COL22A1: variants seen among roughly 807,000 people sequenced by gnomAD.
COL22A1 encodes collagen type XXII alpha 1 chain, also known as collagen alpha-1(XXII) chain.
COL22A1 carries 221 observed loss-of-function variants against 248.9 expected under a neutral mutation model. That is an observed-to-expected ratio of 0.89 (90% CI 0.80 to 0.99). The LOEUF (loss-of-function observed/expected upper bound fraction) is 0.99, where lower values mean the gene tolerates loss of function less well. COL22A1 is among the 50% of genes least tolerant of loss of function. The pLI, the probability that COL22A1 is intolerant of heterozygous loss-of-function variation, is 0.00. For synonymous variants in COL22A1, 891 were observed against 793.4 expected, an observed-to-expected ratio of 1.12 and a Z score of -2.07; for missense variants, 2,240 against 2,179.0, an observed-to-expected ratio of 1.03 and a Z score of -0.56.
At chr8:138,751,573 G>A (rs573777972) in intron 21 of COL22A1, 62 bp from the exon 22 acceptor site, 170 of 1,188,714 alleles carry the variant, frequency 1.4e-4, no homozygotes, top group Non-Finnish European at 2.0e-4. Context: ...GGGCTCAATG[G>A]CATAGCTTAG....
rs375680354 is a variant in COL22A1, at chr8:138,724,605, G to A, written c.2247+10C>T. On this transcript the variant is annotated intron_variant, in intron 25 of 64. Coordinates refer to ENST00000303045, the MANE Select transcript of COL22A1 (RefSeq NM_152888.3). ...AGGAGGGGAGCAGGAAGATGTTTCC[G>A]AACACTCACCGTGGGCCCAGGAGGT... 2.0e-5 allele frequency: 33 copies of A among 1,613,536 alleles called. No individual in the cohort carries two copies. The highest frequency in any genetic ancestry group is 1.2e-4 in the Admixed American group (7 of 59,990).
chr8:138,857,685 G>A (rs1046567671), intron 3 of COL22A1, among the ~76,000 whole-genome samples: 4 of 152,228 alleles, frequency 2.6e-5, no homozygotes, highest in Non-Finnish European at 5.9e-5. Context: ...GGGAACAGCG[G>A]TTCCCTCTGG....
chr8:138,754,272 G>A (rs1156719160), intron 21 of COL22A1, among the ~76,000 whole-genome samples: 2 of 142,218 alleles, frequency 1.4e-5, no homozygotes, highest in African/African-American at 2.6e-5. Context: ...AGTTACAATT[G>A]TGGGCAGCTC....
At chr8:138,884,949 AAGCACAGG>A (rs1201010366) in intron 1 of COL22A1, among the ~76,000 whole-genome samples, 2 of 152,240 alleles carry the variant, frequency 1.3e-5, no homozygotes, top group Non-Finnish European at 2.9e-5. Flanking sequence ...GCCTGATGAC[AAGCACAGG>A]CAAATCAATT....
chr8:138,803,442 C>T (rs563924593), intron 10 of COL22A1, among the ~76,000 whole-genome samples: 213 of 152,178 alleles, frequency 1.4e-3, no homozygotes, highest in African/African-American at 4.6e-3. Flanking sequence ...CGAGATCAGA[C>T]GAGATCGGGC....
chr8:138,589,334 A>T lies in COL22A1; in HGVS notation c.4800T>A (p.Gly1600=), dbSNP rs1297941145. 3.1e-6 allele frequency: 5 copies of T among 1,612,502 alleles called. No homozygotes were observed. The highest frequency in any genetic ancestry group is 3.3e-5 in the Admixed American group (2 of 59,796). ...AGHPGLPGPP[G]PPGQCDPSQC... is the part of the protein sequence containing the mutation. ...GGGAAGGGTCACATTGGCCTGGGGG[A>T]CCGGGAGGTCCTGGGAGGCCAGGAT... Residue 1600 remains glycine (G), a synonymous_variant, in exon 65 of 65, where the codon GGT becomes GGA. Coordinates refer to ENST00000303045, the MANE Select transcript of COL22A1 (RefSeq NM_152888.3).
intron 3 of COL22A1, among the ~76,000 whole-genome samples, chr8:138,848,259 C>A (rs1563840315): frequency 6.6e-6 from 1 of 152,174 alleles, no homozygotes; most frequent in Non-Finnish European, 1.5e-5. Context: ...ATTGTCTACC[C>A]CCTGACAATC....
rs58944884 is a variant in COL22A1, at chr8:138,768,666, G to A, written c.1804-6200C>T. On this transcript the variant is annotated intron_variant, in intron 16 of 64. Coordinates refer to ENST00000303045, the MANE Select transcript of COL22A1 (RefSeq NM_152888.3). ...AAAGAACGCCATTATGGCCAGGTAT[G>A]GTGGCTCATGCCTGTAATCCCAGCA... 5.4e-3 allele frequency among the ~76,000 whole-genome samples: 817 copies of A among 152,244 alleles called. 7 individuals carry two copies. The highest frequency in any genetic ancestry group is 0.032 in the East Asian group (163 of 5,168).
intron 3 of COL22A1, among the ~76,000 whole-genome samples, chr8:138,872,984 A>T (rs1436633322): frequency 1.3e-5 from 2 of 152,206 alleles, no homozygotes; most frequent in Admixed American, 6.5e-5. Flanking sequence ...TTCATTCAAC[A>T]AACAGCCACT....
chr8:138,692,213 T>C (rs1587877619), intron 35 of COL22A1, among the ~76,000 whole-genome samples: 30 of 151,888 alleles, frequency 2.0e-4, no homozygotes, highest in African/African-American at 6.5e-4. Flanking sequence ...TTTGTGGAGG[T>C]GTATGTGTGC....
chr8:138,699,304 C>A (rs1827768379), intron 32 of COL22A1, among the ~76,000 whole-genome samples: 1 of 152,198 alleles, frequency 6.6e-6, no homozygotes, highest in Admixed American at 6.5e-5. Context: ...TTTTGCATCA[C>A]ACGCAGGATT....
chr8:138,655,354 A>C (rs1036966397), intron 45 of COL22A1, among the ~76,000 whole-genome samples: 1 of 152,058 alleles, frequency 6.6e-6, no homozygotes, highest in Non-Finnish European at 1.5e-5. Flanking sequence ...CTAAATTTTT[A>C]ATCGCATTTA....
intron 35 of COL22A1, among the ~76,000 whole-genome samples, chr8:138,692,262 G>GTGTGTACATGTGTGTA: frequency 7.0e-6 from 1 of 143,690 alleles, no homozygotes. Context: ...GTGTGCGTGT[G>GTGTGTACATGTGTGTA]TGCATGTTTG....
At chr8:138,735,947 AGT>A (rs1276930462) in intron 23 of COL22A1, among the ~76,000 whole-genome samples, 3 of 152,150 alleles carry the variant, frequency 2.0e-5, no homozygotes, top group Non-Finnish European at 4.4e-5. Context: ...GGGGCTGTCC[AGT>A]CCCGAGTGGT....
chr8:138,772,742 T>C (rs1251655280), intron 16 of COL22A1, among the ~76,000 whole-genome samples: 11 of 152,206 alleles, frequency 7.2e-5, no homozygotes. Context: ...ATGCCTGTAG[T>C]CCCAGCTACT....
intron 1 of COL22A1, among the ~76,000 whole-genome samples, chr8:138,886,859 C>A (rs566467288): frequency 2.0e-4 from 30 of 152,250 alleles, no homozygotes; most frequent in African/African-American, 7.2e-4. Flanking sequence ...TTCTCCATCC[C>A]CTTTCCATGC....
chr8:138,870,423 T>G (rs1365818547), intron 3 of COL22A1, among the ~76,000 whole-genome samples: 1 of 151,612 alleles, frequency 6.6e-6, no homozygotes, highest in Non-Finnish European at 1.5e-5. Context: ...GTGGGGTGTG[T>G]GTGCTATATG....
chr8:138,721,944 T>G (rs1163579885), intron 26 of COL22A1, 92 bp downstream of exon 26: 1 of 1,018,972 alleles, frequency 9.8e-7, no homozygotes, highest in East Asian at 2.6e-5. Flanking sequence ...CCCAGGCAAT[T>G]GACTTGTTGT....
At chr8:138,716,705 T>C (rs1190915188) in intron 28 of COL22A1, 120 bp downstream of exon 28, 8 of 743,074 alleles carry the variant, frequency 1.1e-5, no homozygotes, top group South Asian at 6.2e-5. Flanking sequence ...CCTGGACATA[T>C]AGTGAGCTCC....
Sources: allele counts gnomAD v4.1 joint callset (sites outside exome capture counted in the v4.1 genomes callset), GRCh38; gene constraint gnomAD v4.1.1; transcripts MANE v1.5; gene names NCBI Gene and HGNC (gene_info 2026-07-23, HGNC 2026-07-21).